FER1L5: variants seen among roughly 807,000 people sequenced by gnomAD.
FER1L5 encodes the protein fer-1 like family member 5, also known as fer-1-like protein 5.
Under a neutral mutation model 279.9 loss-of-function variants are expected in FER1L5, and 187 were observed. The observed-to-expected ratio is 0.67, with a 90% CI of 0.59 to 0.75. The LOEUF is 0.75. Among genes scored for constraint, FER1L5 ranks in the 30% least tolerant of loss-of-function variants. FER1L5 has a pLI of 0.00. For missense variants in FER1L5, 2,091 were observed against 2,594.4 expected (o/e 0.81, Z 4.21); for synonymous variants, 921 against 989.7 (o/e 0.93, Z 1.30).
rs1241471453 is a variant in FER1L5 at position 96,661,568 on chromosome 2, T to TC, written c.895-94dup. On this transcript the variant is annotated intron_variant, in intron 11 of 52. Transcript: ENST00000624922. ...GCTGCGTCACTGCAGGGTTGTCCCA[T>TC]CCCCCCTGCACCAAGTGGGAAGTTG... is the stretch of plus-strand genomic sequence containing the variant. 1.7e-5 allele frequency: 26 copies of TC among 1,513,754 alleles called. No homozygotes were observed. The Middle Eastern group carries it at 8.5e-4, about 50-fold the overall frequency. 93.8% of individuals were successfully genotyped at this position (1,513,754 alleles called of 1,614,324 possible).
chr2:96,693,361 C>T (rs2077231666), intron 31 of FER1L5, 145 bp from the exon 32 acceptor site: 1 of 731,474 alleles, frequency 1.4e-6, no homozygotes, highest in South Asian at 2.0e-5. Flanking sequence ...CTGCAGCTGA[C>T]TCTGAGGGGG....
chr2:96,653,168 C>T (rs1263688182), intron 7 of FER1L5: 2 of 172,006 alleles, frequency 1.2e-5, no homozygotes, highest in Non-Finnish European at 2.4e-5. Flanking sequence ...GAGATTGCAC[C>T]ACCACACTCC....
intron 45 of FER1L5, among the ~76,000 whole-genome samples, 189 bp from the exon 46 acceptor site, chr2:96,701,766 T>A (rs1328714283): frequency 6.6e-6 from 1 of 152,050 alleles, no homozygotes; most frequent in Non-Finnish European, 1.5e-5. Context: ...TGCACTACTC[T>A]CTCAGCCAAA....
At chr2:96,660,714 C>A (rs1320905491) in intron 10 of FER1L5, among the ~76,000 whole-genome samples, 1 of 152,130 alleles carries the variant, frequency 6.6e-6, no homozygotes, top group African/African-American at 2.4e-5. Flanking sequence ...GCCACCACAC[C>A]CAGCTAATTT....
chr2:96,703,760 A>T, intron 51 of FER1L5, 128 bp downstream of exon 51: 1 of 792,710 alleles, frequency 1.3e-6, no homozygotes, highest in Non-Finnish European at 2.1e-6. Flanking sequence ...CTCAGTTACA[A>T]TCAGCAAAGA....
intron 6 of FER1L5, among the ~76,000 whole-genome samples, 162 bp downstream of exon 6, chr2:96,650,451 G>A (rs1283794805): frequency 6.6e-6 from 1 of 152,148 alleles, no homozygotes; most frequent in East Asian, 1.9e-4. Context: ...CTCCTCCCAT[G>A]GCCGTTCTGG....
intron 20 of FER1L5, 117 bp from the exon 21 acceptor site, chr2:96,685,212 C>T: frequency 1.2e-6 from 1 of 811,272 alleles, no homozygotes; most frequent in East Asian, 2.7e-5. Flanking sequence ...ACCAGGTTAT[C>T]CCTCAAAGTT....
chr2:96,643,390 C>G (rs1042538097), intron 1 of FER1L5, among the ~76,000 whole-genome samples: 1 of 152,120 alleles, frequency 6.6e-6, no homozygotes, highest in African/African-American at 2.4e-5. Context: ...CACTCTGTCA[C>G]CCAGGCTACA....
At chr2:96,686,847 C>A (rs535411742) in intron 23 of FER1L5, among the ~76,000 whole-genome samples, 88 of 134,468 alleles carry the variant, frequency 6.5e-4, no homozygotes, top group Non-Finnish European at 1.2e-3. Flanking sequence ...CAGAGCGAGA[C>A]TCCGTCTCAA....
Position 96,669,049 on chromosome 2 carries a change from A to G in FER1L5, c.1274A>G (p.Tyr425Cys). 1.3e-6 allele frequency: 2 copies of G among 1,551,292 alleles called. No individual in the cohort carries two copies. Among genetic ancestry groups the G allele is most frequent in the Non-Finnish European group, 1.7e-6 (2 of 1,146,908 alleles). The change falls in exon 17 of 53, where the codon TAC becomes TGC. Residue 425 changes from tyrosine to cysteine, a missense_variant. Transcript: ENST00000624922. ...SSTGEEIEGV[Y>C]SGFLPCFGPS... is the part of the protein sequence containing the mutation. ...TCACTCTCTCTCCTTCCAGGAGTGT[A>G]CTCCGGCTTCCTGCCCTGCTTTGGC...
Position 96,702,255 on chromosome 2 carries a change from T to C in FER1L5, c.5160-51T>C. On this transcript the variant is annotated intron_variant, in intron 46 of 52. Coordinates refer to ENST00000624922, the MANE Select transcript of FER1L5 (RefSeq NM_001293083.2). This position sits in a 1 kb window ranked among gnomAD's most constrained non-coding sequence, Gnocchi z 4.0. Reference sequence around the variant, plus strand: ...CAGGCTTCTCTGCCCTCACTGAGGCTGCAGCTGGGGAGCTCCTCCTCAGCA... The same window carrying C: ...CAGGCTTCTCTGCCCTCACTGAGGCCGCAGCTGGGGAGCTCCTCCTCAGCA... 4 of 1,587,754 alleles carry C rather than the reference T, an allele frequency of 2.5e-6. No individual in the cohort carries two copies. The highest frequency in any genetic ancestry group is 3.4e-6 in the Non-Finnish European group (4 of 1,167,664).
rs766464862 is a variant in FER1L5, at chr2:96,681,929, G to A, written c.1670-2398G>A. The stretch of plus-strand genomic sequence containing the variant: ...GCCTCCAAAGTAGCTGGGATTACAG[G>A]TGCACACCACCACTCCTGGCTAATT... On this transcript the variant is annotated intron_variant, in intron 19 of 52. Transcript: ENST00000624922. 2.7e-5 allele frequency among the ~76,000 whole-genome samples: 4 copies of A among 147,926 alleles called. No individual in the cohort carries two copies. The East Asian group carries it at 8.1e-4, about 30-fold the overall frequency.
intron 9 of FER1L5, among the ~76,000 whole-genome samples, chr2:96,658,109 T>C (rs549948977): frequency 7.3e-5 from 11 of 151,204 alleles, no homozygotes; most frequent in African/African-American, 2.4e-4. Context: ...CTCCCCCTCC[T>C]GGGTTCACAT....
rs2153297608 is a variant in FER1L5 at position 96,694,304 on chromosome 2, A to G, written c.3637-56A>G. ...GCCTCTGAGGGACCTGCTTGAGGTG[A>G]GGGTGAGGGCAGCAGGACCAGCCCA... On this transcript the variant is annotated intron_variant, in intron 33 of 52. Transcript: ENST00000624922. This position sits in a 1 kb window ranked among gnomAD's most constrained non-coding sequence, Gnocchi z 4.6. The G allele has an allele frequency of 6.8e-7, 1 of 1,460,150 alleles. No individual in the cohort carries two copies. The highest frequency in any genetic ancestry group is 9.2e-7 in the Non-Finnish European group (1 of 1,089,338). The allele number at this position is 1,460,150 out of a possible 1,614,324, so 90.4% of individuals were successfully genotyped here.
At chr2:96,690,832 C>T (rs1425819672) in intron 27 of FER1L5, among the ~76,000 whole-genome samples, 1 of 152,248 alleles carries the variant, frequency 6.6e-6, no homozygotes, top group Non-Finnish European at 1.5e-5. Flanking sequence ...TGCTGGTGAA[C>T]AGGAGGCTAT....
At chr2:96,697,373 TC>T (rs1459261654) in intron 37 of FER1L5, among the ~76,000 whole-genome samples, 152 bp from the exon 38 acceptor site, 1 of 152,132 alleles carries the variant, frequency 6.6e-6, no homozygotes, top group Non-Finnish European at 1.5e-5. Context: ...GCTCCCTAGA[TC>T]CCATTTCTAA....
Position 96,647,172 on chromosome 2 carries a change from C to A in FER1L5, c.230+17C>A, listed in dbSNP as rs562963621. The stretch of plus-strand genomic sequence containing the variant: ...GAAAGAAAGGTGAGGCAGAGAGAGG[C>A]AGGAGGAGCCTAGCTCCTGACCAAC... On this transcript the variant is annotated intron_variant, in intron 3 of 52. Transcript: ENST00000624922. 57 of 1,550,860 alleles carry A rather than the reference C, an allele frequency of 3.7e-5. No homozygotes were observed. In the Admixed American group the frequency reaches 8.0e-4, roughly 22 times the overall value.
chr2:96,664,844 A>G (rs1173368796), intron 14 of FER1L5, among the ~76,000 whole-genome samples: 1 of 152,226 alleles, frequency 6.6e-6, no homozygotes, highest in Non-Finnish European at 1.5e-5. Flanking sequence ...AAATGATAAT[A>G]TACATTTTCT....
chr2:96,695,744 C>T lies in FER1L5; in HGVS notation c.3897C>T (p.Leu1299=), dbSNP rs757426383. Residue 1299 remains leucine, a splice_region_variant and synonymous_variant, in exon 36 of 53, where the codon CTC becomes CTT. Coordinates refer to ENST00000624922, the MANE Select transcript of FER1L5 (RefSeq NM_001293083.2). ...CCCACGTCTCCTCGGGATTGCAGCTCATGCCGACGGAGGAGGCCTATGCAC... is the reference window on the plus strand; with the variant it reads ...CCCACGTCTCCTCGGGATTGCAGCTTATGCCGACGGAGGAGGCCTATGCAC... ...ESESVLVLTV[L]MPTEEAYALP... The T allele has an allele frequency of 6.2e-7, 1 of 1,612,278 alleles. No homozygotes were observed. The highest frequency in any genetic ancestry group is 8.5e-7 in the Non-Finnish European group (1 of 1,179,222).
Sources: allele counts gnomAD v4.1 joint callset (sites outside exome capture counted in the v4.1 genomes callset), GRCh38; gene constraint gnomAD v4.1.1; non-coding constraint Gnocchi (gnomAD v3.1); transcripts MANE v1.5; gene names NCBI Gene and HGNC (gene_info 2026-07-23, HGNC 2026-07-21).